The following LRCH1 variants were observed in gnomAD, a reference collection of about 807,000 sequenced individuals.
The protein encoded by LRCH1 is leucine rich repeats and calponin homology domain containing 1, also known as leucine-rich repeat and calponin homology domain-containing protein 1.
Under a neutral mutation model 94.9 loss-of-function variants are expected in LRCH1, and 23 were observed. The observed-to-expected ratio is 0.24, with a 90% confidence interval of 0.17 to 0.34. The LOEUF (loss-of-function observed/expected upper bound fraction) is 0.34. Among genes scored for constraint, LRCH1 ranks in the 10% least tolerant of loss-of-function variants. The probability of loss-of-function intolerance (pLI) is 1.00; values close to 1 mark genes in which losing one functional copy is unlikely to be tolerated. For synonymous variants in LRCH1, 364 were observed against 354.9 expected (o/e 1.03, Z -0.29); for missense variants, 790 against 945.9 (o/e 0.84, Z 2.16).
At chr13:46,559,200 TA>T (rs1378230543) in intron 1 of LRCH1, among the ~76,000 whole-genome samples, 1 of 152,230 alleles carries the variant, frequency 6.6e-6, no homozygotes, top group African/African-American at 2.4e-5. Flanking sequence ...ATAAATATAA[TA>T]AAATTTTTGA....
chr13:46,671,199 A>G (rs991456912), intron 3 of LRCH1, among the ~76,000 whole-genome samples: 1 of 152,152 alleles, frequency 6.6e-6, no homozygotes, highest in Non-Finnish European at 1.5e-5. Context: ...TTTCTTGGTT[A>G]GTTCTTAGCC....
intron 1 of LRCH1, among the ~76,000 whole-genome samples, chr13:46,580,751 A>C (rs2050355861): frequency 6.6e-6 from 1 of 152,206 alleles, no homozygotes; most frequent in African/African-American, 2.4e-5. Context: ...GAGTGGACCA[A>C]GTGGAAATGC....
Position 46,667,017 on chromosome 13 carries a change from A to G in LRCH1, c.453-2013A>G, listed in dbSNP as rs942541188. The stretch of plus-strand genomic sequence containing the variant: ...TTCTCTTGGTCCAATCCTGCTAACT[A>G]GGGAAAGTGAAGAGCTGGTTGGTCT... On this transcript the variant is annotated intron_variant, in intron 2 of 19. Transcript: ENST00000389797. 6.6e-5 allele frequency among the ~76,000 whole-genome samples: 10 copies of G among 152,148 alleles called. 1 individual carries two copies. The highest frequency in any genetic ancestry group is 5.9e-5 in the Non-Finnish European group (4 of 68,022).
intron 1 of LRCH1, among the ~76,000 whole-genome samples, chr13:46,573,866 A>ATATATATATATATATATATATTT: frequency 9.0e-4 from 57 of 63,346 alleles, no homozygotes; most frequent in Middle Eastern, 9.4e-3. Context: ...ATATATATAT[A>ATATATATATATATATATATATTT]TTTTTTTTTT....
intron 1 of LRCH1, among the ~76,000 whole-genome samples, chr13:46,619,070 TCC>T (rs2050847769): frequency 1.7e-5 from 1 of 58,156 alleles, no homozygotes; most frequent in Non-Finnish European, 3.0e-5. Flanking sequence ...CTTTTTTCCT[TCC>T]TTCCTTCCTT....
At chr13:46,585,386 G>A (rs1054115909) in intron 1 of LRCH1, among the ~76,000 whole-genome samples, 1 of 151,878 alleles carries the variant, frequency 6.6e-6, no homozygotes, top group African/African-American at 2.4e-5. Context: ...GACCATTCTC[G>A]CTAACACGGT....
Position 46,739,180 on chromosome 13 carries a change from T to C in LRCH1, c.2086-2462T>C, listed in dbSNP as rs187791540. ...TACACCCTGAACTGCTGGATCTGTC[T>C]ACTTTTCTCTTTGTATCCATAGTAT... is the stretch of plus-strand genomic sequence containing the variant. On this transcript the variant is annotated intron_variant, in intron 19 of 19. Coordinates refer to ENST00000389797, the MANE Select transcript of LRCH1 (RefSeq NM_001164211.2). 2.1e-4 allele frequency among the ~76,000 whole-genome samples: 32 copies of C among 152,356 alleles called. No homozygotes were observed. In the East Asian group the frequency reaches 6.0e-3, roughly 28 times the overall value.
At chr13:46,614,561 T>C (rs1216470157) in intron 1 of LRCH1, among the ~76,000 whole-genome samples, 2 of 152,244 alleles carry the variant, frequency 1.3e-5, no homozygotes, top group Admixed American at 1.3e-4. Flanking sequence ...TAAAAAGTTT[T>C]AATAAAATCT....
intron 5 of LRCH1, among the ~76,000 whole-genome samples, chr13:46,686,430 G>T (rs1870619852): frequency 6.6e-6 from 1 of 152,106 alleles, no homozygotes; most frequent in Non-Finnish European, 1.5e-5. Context: ...CTTTGCGATG[G>T]GGGGTCTTAT....
At chr13:46,630,553 T>G (rs899880321) in intron 1 of LRCH1, among the ~76,000 whole-genome samples, 7 of 152,216 alleles carry the variant, frequency 4.6e-5, no homozygotes, top group African/African-American at 7.2e-5. Flanking sequence ...TATTTGAAGT[T>G]CCTTAATTTG....
intron 1 of LRCH1, among the ~76,000 whole-genome samples, chr13:46,649,211 G>A (rs1366660355): frequency 6.6e-6 from 1 of 152,164 alleles, no homozygotes; most frequent in Non-Finnish European, 1.5e-5. Context: ...TGGCTAAGGT[G>A]TGGTTTCTTA....
chr13:46,608,305 G>T (rs2050710438), intron 1 of LRCH1, among the ~76,000 whole-genome samples: 1 of 152,184 alleles, frequency 6.6e-6, no homozygotes, highest in South Asian at 2.1e-4. Context: ...CATTAGAGCT[G>T]ATTTGCTTTG....
intron 1 of LRCH1, among the ~76,000 whole-genome samples, chr13:46,607,839 A>G (rs1439464497): frequency 6.6e-6 from 1 of 152,106 alleles, no homozygotes; most frequent in Non-Finnish European, 1.5e-5. Context: ...ACGCAAAGGC[A>G]CAGTTCCCTT....
chr13:46,602,625 A>G (rs2050639676), intron 1 of LRCH1, among the ~76,000 whole-genome samples: 1 of 152,180 alleles, frequency 6.6e-6, no homozygotes, highest in South Asian at 2.1e-4. Flanking sequence ...GCTCAACATT[A>G]TTATTATTTC....
At chr13:46,641,140 T>C (rs1435204549) in intron 1 of LRCH1, among the ~76,000 whole-genome samples, 5 of 151,998 alleles carry the variant, frequency 3.3e-5, no homozygotes, top group Non-Finnish European at 4.4e-5. Flanking sequence ...GTGGGGTGTC[T>C]AGAGGAGTGG....
At chr13:46,617,827 T>C (rs1215620004) in intron 1 of LRCH1, among the ~76,000 whole-genome samples, 2 of 152,220 alleles carry the variant, frequency 1.3e-5, no homozygotes, top group Non-Finnish European at 2.9e-5. Context: ...AACATTTTTT[T>C]CTTTATAATG....
chr13:46,742,019 G>C lies in LRCH1; in HGVS notation c.*171G>C. On this transcript the variant is annotated 3_prime_UTR_variant, in exon 20 of 20. Transcript: ENST00000389797. ...CAGATTTTCCAGAAGCACAAACTTT[G>C]TAGAATACAGTTTAGTATAATTCCT... The C allele has an allele frequency of 6.1e-6, 9 of 1,465,034 alleles. No individual in the cohort carries two copies. The highest frequency in any genetic ancestry group is 8.1e-6 in the Non-Finnish European group (9 of 1,116,838). 90.8% of individuals were successfully genotyped at this position (1,465,034 alleles called of 1,614,324 possible). A position where few individuals can be genotyped will look rare whatever the true frequency, so the allele number is the denominator to read the frequency against.
At chr13:46,568,193 T>A (rs902571187) in intron 1 of LRCH1, among the ~76,000 whole-genome samples, 2 of 152,048 alleles carry the variant, frequency 1.3e-5, no homozygotes, top group Admixed American at 1.3e-4. Flanking sequence ...TCATAAGAGG[T>A]GCTCTCAGAG....
intron 19 of LRCH1, 106 bp from the exon 20 acceptor site, chr13:46,741,536 C>T (rs1873651748): frequency 7.4e-7 from 1 of 1,351,666 alleles, no homozygotes. Flanking sequence ...GTTACTCCTG[C>T]CATTTGCTAG....
Sources: gnomAD v4.1 joint callset for allele counts (sites outside exome capture counted in the v4.1 genomes callset) on GRCh38, gnomAD v4.1.1 for gene constraint, MANE v1.5 for transcripts, NCBI Gene and HGNC (gene_info 2026-07-23, HGNC 2026-07-21) for gene names.